Variants in ENG observed in about 807,000 individuals in gnomAD.
ENG encodes endoglin, also known as CD105 antigen.
A neutral mutation model predicts 71.0 loss-of-function variants in ENG; 17 were observed. The observed-to-expected ratio is 0.24, with a 90% CI of 0.16 to 0.36. ENG has a LOEUF of 0.36. Ranked by LOEUF, ENG falls within the 10% of genes least tolerant of loss-of-function variation. The pLI, the probability that ENG is intolerant of heterozygous loss-of-function variation, is 1.00. For missense variants in ENG, 749 were observed against 868.3 expected (o/e 0.86, Z 1.73); for synonymous variants, 360 against 366.9 (o/e 0.98, Z 0.21).
At chr9:127,820,969 T>G (rs553130422) in intron 8 of ENG, among the ~76,000 whole-genome samples, 3 of 152,282 alleles carry the variant, frequency 2.0e-5, no homozygotes, top group African/African-American at 7.2e-5. Context: ...AAGAGCCAGA[T>G]AGTAAATACT....
intron 3 of ENG, 143 bp downstream of exon 3, chr9:127,829,544 G>C (rs1830708024): frequency 5.1e-6 from 6 of 1,170,360 alleles, no homozygotes; most frequent in South Asian, 4.2e-5. Flanking sequence ...GCTTCACCAG[G>C]CAGGACCCTG....
intron 12 of ENG, 99 bp from the exon 13 acceptor site, chr9:127,817,302 T>A: frequency 7.9e-7 from 1 of 1,258,738 alleles, no homozygotes; most frequent in Non-Finnish European, 1.2e-6. Flanking sequence ...GAGCCTTGGC[T>A]TTGAATCCCA....
rs1204304674 is a variant in ENG at position 127,824,575 on chromosome 9, G to A, written c.992-129C>T. Reference sequence around the variant, plus strand: ...GCTCTGTTACCCGGGCTGGAGTGCAGTGGCACGATCTTGGCTCACTGCAAC... The same window carrying A: ...GCTCTGTTACCCGGGCTGGAGTGCAATGGCACGATCTTGGCTCACTGCAAC... On this transcript the variant is annotated intron_variant, in intron 7 of 14. Coordinates refer to ENST00000373203, the MANE Select transcript of ENG (RefSeq NM_001114753.3). 9.6e-6 allele frequency: 12 copies of A among 1,243,896 alleles called. No homozygotes were observed. The Admixed American group carries it at 2.1e-4, about 22-fold the overall frequency. 77.1% of individuals were successfully genotyped at this position (1,243,896 alleles called of 1,614,324 possible).
chr9:127,829,945 A>C lies in ENG; in HGVS notation c.220-118T>G. 2.1e-6 allele frequency: 3 copies of C among 1,414,436 alleles called. No individual in the cohort carries two copies. In the South Asian group the frequency reaches 3.5e-5, roughly 17 times the overall value. 87.6% of individuals were successfully genotyped at this position (1,414,436 alleles called of 1,614,324 possible). ...TCCACTCTCCCTGCCTGCTCTGTCC[A>C]CCCTCACCTCCCAGTGCCCAGGGTA... is the stretch of plus-strand genomic sequence containing the variant. On this transcript the variant is annotated intron_variant, in intron 2 of 14. Coordinates refer to ENST00000373203, the MANE Select transcript of ENG (RefSeq NM_001114753.3).
intron 1 of ENG, among the ~76,000 whole-genome samples, chr9:127,845,832 A>G (rs10739698): frequency 1 from 151,709 of 152,314 alleles, 75,558 homozygotes; most frequent in East Asian, 1. Context: ...TCAGCCTCCC[A>G]AGTAGTTGGG....
intron 2 of ENG, chr9:127,841,342 C>G (rs1482535304): frequency 1.3e-5 from 2 of 152,288 alleles, no homozygotes; most frequent in Non-Finnish European, 2.9e-5. Flanking sequence ...AGACACCTGC[C>G]TAGGGGCCCT....
At chr9:127,827,421 C>T (rs1472317163) in intron 3 of ENG, among the ~76,000 whole-genome samples, 5 of 152,162 alleles carry the variant, frequency 3.3e-5, no homozygotes, top group South Asian at 2.1e-4. Context: ...TTCAGCATCT[C>T]ACTGCCTACC....
chr9:127,854,547 G>A lies in ENG; in HGVS notation c.-192C>T. On this transcript the variant is annotated 5_prime_UTR_variant, in exon 1 of 15. Coordinates refer to ENST00000373203, the MANE Select transcript of ENG (RefSeq NM_001114753.3). Reference sequence around the variant, plus strand: ...GGAGAAGTGGACACAGGGACGCGGGGCTGGGCTGGAGTTGCTGTCCGAAGG... The same window carrying A: ...GGAGAAGTGGACACAGGGACGCGGGACTGGGCTGGAGTTGCTGTCCGAAGG... The A allele has an allele frequency of 1.7e-6, 1 of 599,474 alleles. No individual in the cohort carries two copies. The allele number at this position is 599,474 out of a possible 1,614,324, so 37.1% of individuals were successfully genotyped here.
chr9:127,837,266 C>T (rs1468228054), intron 2 of ENG, among the ~76,000 whole-genome samples: 1 of 152,264 alleles, frequency 6.6e-6, no homozygotes, highest in East Asian at 1.9e-4. Context: ...TCAGCCTCCC[C>T]ATCTGTGCAG....
At chr9:127,847,778 G>A (rs1326738874) in intron 1 of ENG, among the ~76,000 whole-genome samples, 1 of 151,966 alleles carries the variant, frequency 6.6e-6, no homozygotes, top group Non-Finnish European at 1.5e-5. Flanking sequence ...AGTACCCCCG[G>A]GCCACTCTTT....
At chr9:127,841,002 C>G (rs901434047) in intron 2 of ENG, 2 of 152,514 alleles carry the variant, frequency 1.3e-5, no homozygotes, top group Non-Finnish European at 1.5e-5. Flanking sequence ...CCTTTGCCAT[C>G]TCCCCTGTCC....
chr9:127,817,026 C>T (rs1035851462), intron 13 of ENG, 123 bp downstream of exon 13: 104 of 1,142,488 alleles, frequency 9.1e-5, no homozygotes, highest in Admixed American at 3.0e-4. Flanking sequence ...CCTTCTGGGC[C>T]GCTTTCTCTG....
chr9:127,850,445 C>T (rs1831260795), intron 1 of ENG, among the ~76,000 whole-genome samples: 1 of 152,248 alleles, frequency 6.6e-6, no homozygotes, highest in Non-Finnish European at 1.5e-5. Context: ...AAGCAAGTCC[C>T]TCTGTCCCTC....
rs41355248 is a variant in ENG at position 127,829,666 on chromosome 9, G to A, written c.360+21C>T. ...TCCCATGGCCAGAGCCTCAGCCTGG[G>A]GTTGGAGGGAACACACTCACGTAGG... is the stretch of plus-strand genomic sequence containing the variant. On this transcript the variant is annotated intron_variant, in intron 3 of 14. Coordinates refer to ENST00000373203, the MANE Select transcript of ENG (RefSeq NM_001114753.3). 3.4e-3 allele frequency: 5,422 copies of A among 1,613,686 alleles called. 144 individuals carry two copies. In the African/African-American group the frequency reaches 0.059, roughly 18 times the overall value.
At chr9:127,850,152 T>A (rs1831255565) in intron 1 of ENG, among the ~76,000 whole-genome samples, 1 of 152,176 alleles carries the variant, frequency 6.6e-6, no homozygotes, top group Admixed American at 6.5e-5. Context: ...GGTAAACAGT[T>A]CTTTAGGTCT....
intron 1 of ENG, among the ~76,000 whole-genome samples, chr9:127,845,616 G>A (rs1048122587): frequency 4.6e-5 from 7 of 152,204 alleles, no homozygotes; most frequent in Non-Finnish European, 1.0e-4. Context: ...TTCAATACCT[G>A]GTCTATAAAA....
At chr9:127,820,470 G>A (rs1830442869) in intron 8 of ENG, among the ~76,000 whole-genome samples, 2 of 151,560 alleles carry the variant, frequency 1.3e-5, no homozygotes, top group Non-Finnish European at 2.9e-5. Context: ...AGGGATTACA[G>A]GCGTGAGCCA....
intron 3 of ENG, among the ~76,000 whole-genome samples, chr9:127,828,824 G>T (rs10987750): frequency 1.3e-5 from 2 of 151,754 alleles, no homozygotes; most frequent in Admixed American, 6.6e-5. Flanking sequence ...CCTCCCTCCC[G>T]CAGTGGGCAT....
At chr9:127,828,853 C>T (rs2131894032) in intron 3 of ENG, among the ~76,000 whole-genome samples, 1 of 152,286 alleles carries the variant, frequency 6.6e-6, no homozygotes, top group African/African-American at 2.4e-5. Context: ...CTATGCCTCT[C>T]TCCCCTTTGC....
Sources: allele counts gnomAD v4.1 joint callset (sites outside exome capture counted in the v4.1 genomes callset), GRCh38; gene constraint gnomAD v4.1.1; transcripts MANE v1.5; gene names NCBI Gene and HGNC (gene_info 2026-07-23, HGNC 2026-07-21).